The following RASGRP4 variants were observed in gnomAD, a reference collection of about 807,000 sequenced individuals.
RASGRP4 encodes the protein RAS guanyl releasing protein 4.
Under a neutral mutation model 84.4 loss-of-function variants are expected in RASGRP4, and 52 were observed. The ratio of observed to expected loss-of-function variants is 0.62; its 90% CI spans 0.49 to 0.78. The LOEUF (loss-of-function observed/expected upper bound fraction) is 0.78. RASGRP4 is among the 30% of genes least tolerant of loss of function. RASGRP4 has a pLI of 0.00. For synonymous variants in RASGRP4, 356 were observed against 359.1 expected (o/e 0.99, Z 0.10); for missense variants, 760 against 886.9 (o/e 0.86, Z 1.82).
At position 38,417,302 on chromosome 19, in the gene RASGRP4, G is replaced by T; in HGVS notation, c.838-134C>A. 1 of 656,542 alleles carries T rather than the reference G, an allele frequency of 1.5e-6. No individual in the cohort carries two copies. The highest frequency in any genetic ancestry group is 2.8e-6 in the Non-Finnish European group (1 of 358,828). The allele number at this position is 656,542 out of a possible 1,614,324, so 40.7% of individuals were successfully genotyped here. On this transcript the variant is annotated intron_variant, in intron 7 of 16. Coordinates refer to ENST00000615439, the MANE Select transcript of RASGRP4 (RefSeq NM_170604.3). This position sits in a 1 kb window ranked among gnomAD's most constrained non-coding sequence, Gnocchi z 5.1. ...GTGGGGATCAGACAGGTGAGAGAAG[G>T]CGGGTGTGTGCGGCAAGAGTGGGAC...
chr19:38,418,329 G>T lies in RASGRP4; in HGVS notation c.837+62C>A. The T allele has an allele frequency of 6.5e-7, 1 of 1,527,866 alleles. No individual in the cohort carries two copies. Among genetic ancestry groups the T allele is most frequent in the Non-Finnish European group, 8.9e-7 (1 of 1,125,096 alleles). The allele number at this position is 1,527,866 out of a possible 1,614,324, so 94.6% of individuals were successfully genotyped here. On this transcript the variant is annotated intron_variant, in intron 7 of 16. Transcript: ENST00000615439. This position sits in a 1 kb window ranked among gnomAD's most constrained non-coding sequence, Gnocchi z 4.6. ...ATGACCCTGTGGGGTCGAGGGTCTG[G>T]AAGGGGAAGGACCAGGTGGCTGCGT...
chr19:38,413,080 C>T lies in RASGRP4; in HGVS notation c.1417-31G>A. The T allele has an allele frequency of 6.3e-7, 1 of 1,594,716 alleles. No individual in the cohort carries two copies. The highest frequency in any genetic ancestry group is 8.6e-7 in the Non-Finnish European group (1 of 1,162,408). On this transcript the variant is annotated intron_variant, in intron 11 of 16. Coordinates refer to ENST00000615439, the MANE Select transcript of RASGRP4 (RefSeq NM_170604.3). This position sits in a 1 kb window ranked among gnomAD's most constrained non-coding sequence, Gnocchi z 4.7. The stretch of plus-strand genomic sequence containing the variant: ...GAGGAGTGTGGGGAAGCAGATAAGG[C>T]CCAGTTGTCGAAATATGATCCCCAT...
intron 1 of RASGRP4, among the ~76,000 whole-genome samples, chr19:38,422,580 G>A (rs1971807415): frequency 6.6e-6 from 1 of 152,084 alleles, no homozygotes; most frequent in Non-Finnish European, 1.5e-5. Context: ...AACTTCACAT[G>A]CGAGGGATCT....
In RASGRP4 at chr19:38,422,072, G is replaced by T. The variant is rs1389799102; in HGVS notation, c.105C>A (p.Ser35Arg). 2 of 1,613,668 alleles carry T rather than the reference G, an allele frequency of 1.2e-6. No homozygotes were observed. The highest frequency in any genetic ancestry group is 2.2e-5 in the East Asian group (1 of 44,890). The change falls in exon 2 of 17, where the codon AGC (serine) becomes AGA (arginine). Residue 35 changes from serine to arginine, a missense_variant. Ser to Arg is a moderately radical substitution (Grantham distance 110). Coordinates refer to ENST00000615439, the MANE Select transcript of RASGRP4 (RefSeq NM_170604.3). ...RQVRRHKTCPSPREISKVMAS... is the reference protein window; with the variant it reads ...RQVRRHKTCPRPREISKVMAS... ...CCATGACCTTGCTGATTTCCCGAGG[G>T]CTGGGGCATGTCTTGTGGCGGCGCA...
chr19:38,422,251 G>T, intron 1 of RASGRP4, 98 bp from the exon 2 acceptor site: 3 of 1,158,904 alleles, frequency 2.6e-6, no homozygotes, highest in Non-Finnish European at 3.6e-6. Flanking sequence ...CACGGGAGAG[G>T]CTTCCTAAAG....
Position 38,409,904 on chromosome 19 carries a change from G to GTA in RASGRP4, c.*134_*135dup. On this transcript the variant is annotated 3_prime_UTR_variant, in exon 17 of 17. Transcript: ENST00000615439. The stretch of plus-strand genomic sequence containing the variant: ...ACTTCCAGGGAAAAAGATGACGGAC[G>GTA]TACCACTAAAGGCAGTGTGGATGGG... 2 of 605,102 alleles carry GTA rather than the reference G, an allele frequency of 3.3e-6. No homozygotes were observed. The highest frequency in any genetic ancestry group is 6.0e-5 in the East Asian group (2 of 33,260). The allele number at this position is 605,102 out of a possible 1,614,324, so 37.5% of individuals were successfully genotyped here.
At chr19:38,414,697 C>T (rs1971420654) in intron 9 of RASGRP4, 151 bp downstream of exon 9, 3 of 762,802 alleles carry the variant, frequency 3.9e-6, no homozygotes, top group Admixed American at 5.9e-5. Flanking sequence ...TGCCCAAGAT[C>T]ACGCAGCTAG....
At chr19:38,420,379 G>A in intron 4 of RASGRP4, 117 bp from the exon 5 acceptor site, 1 of 1,175,340 alleles carries the variant, frequency 8.5e-7, no homozygotes, top group Non-Finnish European at 1.2e-6. Flanking sequence ...AATGTGTGTG[G>A]GGGTCCCTGG....
intron 1 of RASGRP4, 34 bp downstream of exon 1, chr19:38,426,035 G>T: frequency 1.5e-6 from 2 of 1,361,346 alleles, no homozygotes; most frequent in Middle Eastern, 1.9e-4. Context: ...AGGCCTCAGG[G>T]TGCTGCCGGG....
rs1568408354 is a variant in RASGRP4 at position 38,413,171 on chromosome 19, CG to C, written c.1416+21del. 6.2e-7 allele frequency: 1 copy of C among 1,605,658 alleles called. No homozygotes were observed. The highest frequency in any genetic ancestry group is 8.5e-7 in the Non-Finnish European group (1 of 1,173,488). On this transcript the variant is annotated intron_variant, in intron 11 of 16. Transcript: ENST00000615439. This position sits in a 1 kb window ranked among gnomAD's most constrained non-coding sequence, Gnocchi z 4.7. ...GTCTTCCCTCCTGGCTGCTGGCGGCCGGGCCACCCTCCCCTCCTTACCTCCA... is the reference window on the plus strand; with the variant it reads ...GTCTTCCCTCCTGGCTGCTGGCGGCCGGCCACCCTCCCCTCCTTACCTCCA...
Position 38,426,152 on chromosome 19 carries a change from T to A in RASGRP4, c.-61A>T, listed in dbSNP as rs2145256656. ...CAAGAGTAGGGCTCAGCTCCTCCCCTTGCCCAGGACTCCAGCTTCTCAGCC... is the reference window on the plus strand; with the variant it reads ...CAAGAGTAGGGCTCAGCTCCTCCCCATGCCCAGGACTCCAGCTTCTCAGCC... On this transcript the variant is annotated 5_prime_UTR_variant, in exon 1 of 17. The change creates a new upstream start codon in the 5' untranslated region. Transcript: ENST00000615439. The A allele has an allele frequency of 1.6e-6, 2 of 1,258,658 alleles. No individual in the cohort carries two copies. The highest frequency in any genetic ancestry group is 5.9e-5 in the East Asian group (2 of 33,662). The allele number at this position is 1,258,658 out of a possible 1,614,324, so 78.0% of individuals were successfully genotyped here.
intron 16 of RASGRP4, among the ~76,000 whole-genome samples, chr19:38,410,658 C>T (rs1238371681): frequency 2.0e-5 from 3 of 152,104 alleles, no homozygotes; most frequent in Non-Finnish European, 4.4e-5. Context: ...AGTGATCCTC[C>T]CACCTCAGCC....
chr19:38,424,519 G>A (rs1197657437), intron 1 of RASGRP4, among the ~76,000 whole-genome samples: 2 of 151,542 alleles, frequency 1.3e-5, no homozygotes, highest in Non-Finnish European at 2.9e-5. Flanking sequence ...TCCTGGACTC[G>A]AGTGATCCTC....
chr19:38,411,888 GAATA>G (rs1384267905), intron 13 of RASGRP4, among the ~76,000 whole-genome samples: 1 of 152,170 alleles, frequency 6.6e-6, no homozygotes, highest in Non-Finnish European at 1.5e-5. Context: ...TTTCATGAAT[GAATA>G]AATGAATGTG....
At position 38,417,038 on chromosome 19, in the gene RASGRP4, G is replaced by A. The variant is rs1293113298; in HGVS notation, c.954+14C>T. On this transcript the variant is annotated intron_variant, in intron 8 of 16. Coordinates refer to ENST00000615439, the MANE Select transcript of RASGRP4 (RefSeq NM_170604.3). This position sits in a 1 kb window ranked among gnomAD's most constrained non-coding sequence, Gnocchi z 5.1. ...CTGACCACTTGGAGCTTTGGGGAGG[G>A]TAGTGGGATTCACCTTGGTGCTGTC... The A allele has an allele frequency of 9.7e-6, 14 of 1,440,448 alleles. No individual in the cohort carries two copies. The highest frequency in any genetic ancestry group is 1.2e-5 in the Non-Finnish European group (13 of 1,044,964). 89.2% of individuals were successfully genotyped at this position (1,440,448 alleles called of 1,614,324 possible).
At chr19:38,425,394 G>A (rs1253433469) in intron 1 of RASGRP4, among the ~76,000 whole-genome samples, 1 of 152,182 alleles carries the variant, frequency 6.6e-6, no homozygotes, top group East Asian at 1.9e-4. Flanking sequence ...GAGCAGTTAA[G>A]TGACTTACCT....
At position 38,411,340 on chromosome 19, in the gene RASGRP4, C is replaced by T; in HGVS notation, c.1717+5G>A. ...TTCCCTCCCACTCACTGACACCCCA[C>T]TCACCCCGACAGCGGTAGCCTTGCT... On this transcript the variant is annotated splice_donor_5th_base_variant and intron_variant, in intron 14 of 16. Coordinates refer to ENST00000615439, the MANE Select transcript of RASGRP4 (RefSeq NM_170604.3). 1 of 1,604,456 alleles carries T rather than the reference C, an allele frequency of 6.2e-7. No individual in the cohort carries two copies.
chr19:38,421,035 C>T lies in RASGRP4; in HGVS notation c.314+60G>A. The T allele has an allele frequency of 2.5e-6, 4 of 1,607,344 alleles. No homozygotes were observed. The East Asian group carries it at 6.7e-5, about 27-fold the overall frequency. Reference sequence around the variant, plus strand: ...CCTGCCTGCTCCCCATTCCCATTGCCCAGGTTCTCACGACTCTGCCCTCTG... The same window carrying T: ...CCTGCCTGCTCCCCATTCCCATTGCTCAGGTTCTCACGACTCTGCCCTCTG... On this transcript the variant is annotated intron_variant, in intron 3 of 16. Transcript: ENST00000615439.
chr19:38,416,802 TC>T (rs1971520517), intron 8 of RASGRP4, among the ~76,000 whole-genome samples: 1 of 152,096 alleles, frequency 6.6e-6, no homozygotes, highest in South Asian at 2.1e-4. Flanking sequence ...CTAGCCTGTC[TC>T]CCATCTGTCT....
Sources: allele counts gnomAD v4.1 joint callset (sites outside exome capture counted in the v4.1 genomes callset), GRCh38; gene constraint gnomAD v4.1.1; non-coding constraint Gnocchi (gnomAD v3.1); transcripts MANE v1.5; gene names NCBI Gene and HGNC (gene_info 2026-07-23, HGNC 2026-07-21).